The following CUL2 variants were observed in gnomAD, a reference collection of about 807,000 sequenced individuals.
CUL2 encodes the protein cullin 2.
CUL2 carries 22 observed loss-of-function variants against 110.2 expected under a neutral mutation model. The observed-to-expected ratio is 0.20, with a 90% confidence interval of 0.14 to 0.28. The LOEUF (loss-of-function observed/expected upper bound fraction) is 0.28, where lower values mean the gene tolerates loss of function less well. CUL2 is among the 10% of genes least tolerant of loss of function. CUL2 has a pLI of 1.00. For synonymous variants in CUL2, 279 were observed against 293.2 expected, an observed-to-expected ratio of 0.95 and a Z score of 0.49; for missense variants, 631 against 905.5, an observed-to-expected ratio of 0.70 and a Z score of 3.89.
upstream of CUL2, among the ~76,000 whole-genome samples, chr10:35,090,922 A>G (rs777239820): frequency 3.0e-4 from 45 of 152,368 alleles, no homozygotes; most frequent in Middle Eastern, 3.4e-3. Context: ...ACACACTTCC[A>G]TGGGCTTTGC....
Position 35,033,286 on chromosome 10 carries a change from T to C in CUL2, c.1003-13A>G, listed in dbSNP as rs368318547. 6.4e-6 allele frequency: 10 copies of C among 1,574,616 alleles called. No individual in the cohort carries two copies. ...ATAGTGTTGGCATCTAAAAATGAAATATAAGTACAAAACCACATTTTAAGA... is the reference window on the plus strand; with the variant it reads ...ATAGTGTTGGCATCTAAAAATGAAACATAAGTACAAAACCACATTTTAAGA... On this transcript the variant is annotated splice_polypyrimidine_tract_variant and intron_variant, in intron 10 of 20. Coordinates refer to ENST00000374749, the MANE Select transcript of CUL2 (RefSeq NM_003591.4).
intron 2 of CUL2, among the ~76,000 whole-genome samples, chr10:35,065,497 T>G (rs961292520): frequency 5.3e-5 from 8 of 152,076 alleles, no homozygotes; most frequent in Non-Finnish European, 7.4e-5. Context: ...CAGGTGCCTG[T>G]AGTCCCAGCC....
chr10:35,055,394 A>G (rs911764705), intron 4 of CUL2, among the ~76,000 whole-genome samples: 1 of 152,232 alleles, frequency 6.6e-6, no homozygotes, highest in South Asian at 2.1e-4. Context: ...CAAATTAAAA[A>G]CGAAGACAAC....
chr10:35,023,542 C>T lies in CUL2; in HGVS notation c.1684+1590G>A, dbSNP rs942441388. 7.2e-5 allele frequency among the ~76,000 whole-genome samples: 11 copies of T among 152,154 alleles called. No homozygotes were observed. In the East Asian group the frequency reaches 2.1e-3, roughly 29 times the overall value. ...TTGGTGACTATTTTCAAACTAAATT[C>T]CAATGGCTAAAAAACTATGTGCATA... On this transcript the variant is annotated intron_variant, in intron 17 of 20. Coordinates refer to ENST00000374749, the MANE Select transcript of CUL2 (RefSeq NM_003591.4).
chr10:35,014,459 A>G (rs1472595246), intron 18 of CUL2, among the ~76,000 whole-genome samples: 3 of 152,242 alleles, frequency 2.0e-5, no homozygotes, highest in African/African-American at 7.2e-5. Flanking sequence ...CTCTGGCAGC[A>G]GAATCAAAAG....
intron 5 of CUL2, among the ~76,000 whole-genome samples, chr10:35,051,860 C>T (rs769296299): frequency 2.6e-5 from 4 of 152,094 alleles, no homozygotes; most frequent in Non-Finnish European, 5.9e-5. Flanking sequence ...ATCAACTGCT[C>T]GGTTTCTTTA....
chr10:35,067,846 A>G (rs12769981), intron 2 of CUL2, among the ~76,000 whole-genome samples: 50,689 of 151,820 alleles, frequency 0.33, 8,519 homozygotes, highest in South Asian at 0.35. Flanking sequence ...GGTGGCTCAT[A>G]CCTGTAATCC....
intron 2 of CUL2, 147 bp from the exon 3 acceptor site, chr10:35,063,209 G>C: frequency 2.0e-6 from 1 of 498,956 alleles, no homozygotes; most frequent in Non-Finnish European, 3.5e-6. Flanking sequence ...TATATGACAA[G>C]ATAGAATACA....
intron 8 of CUL2, among the ~76,000 whole-genome samples, chr10:35,042,733 T>C (rs2085826975): frequency 1.3e-5 from 2 of 152,182 alleles, no homozygotes; most frequent in African/African-American, 4.8e-5. Context: ...TCCTCTAAAA[T>C]ATCCTTCTTA....
intron 1 of CUL2, among the ~76,000 whole-genome samples, chr10:35,102,958 T>C (rs1291377059): frequency 6.6e-6 from 1 of 152,100 alleles, no homozygotes; most frequent in Non-Finnish European, 1.5e-5. Flanking sequence ...ACTCCAATTA[T>C]TAAAATCGAA....
chr10:35,026,647 T>C (rs1418652003), intron 16 of CUL2, among the ~76,000 whole-genome samples: 1 of 152,176 alleles, frequency 6.6e-6, no homozygotes, highest in Non-Finnish European at 1.5e-5. Flanking sequence ...ACATTTAAAA[T>C]CTGACTACAA....
Position 35,010,416 on chromosome 10 carries a change from A to G in CUL2, c.2133T>C (p.Phe711=). 6.2e-7 allele frequency: 1 copy of G among 1,611,904 alleles called. No homozygotes were observed. ...QEVISQSRAR[F]NPSISMIKKC... ...TCTTAATCATGCTGATACTGGGATT[A>G]AACCTAGCTCTTGACTGGCTAATCA... is the stretch of plus-strand genomic sequence containing the variant. The change falls in exon 21 of 21, where the codon TTT becomes TTC. Residue 711 remains phenylalanine, a synonymous_variant. Transcript: ENST00000374749.
intron 1 of CUL2, among the ~76,000 whole-genome samples, chr10:35,089,180 C>T (rs2087137069): frequency 6.6e-6 from 1 of 152,126 alleles, no homozygotes; most frequent in East Asian, 1.9e-4. Context: ...CATCTCAAAA[C>T]AAAAAAACTG....
chr10:35,077,780 G>C (rs1267990038), intron 1 of CUL2, among the ~76,000 whole-genome samples: 1 of 149,322 alleles, frequency 6.7e-6, no homozygotes, highest in East Asian at 2.0e-4. Flanking sequence ...TCGTGCCATT[G>C]CATTCCAGCC....
chr10:35,118,914 C>T (rs1476317282), intron 1 of CUL2, among the ~76,000 whole-genome samples: 1 of 152,228 alleles, frequency 6.6e-6, no homozygotes, highest in African/African-American at 2.4e-5. Context: ...TCCTCTACTC[C>T]AGCCACTGCT....
chr10:35,089,166 A>C (rs545171372), intron 1 of CUL2, among the ~76,000 whole-genome samples: 1 of 152,110 alleles, frequency 6.6e-6, no homozygotes, highest in Non-Finnish European at 1.5e-5. Flanking sequence ...CAAGAGCAAA[A>C]CTCCATCTCA....
At chr10:35,106,315 T>TTTTG (rs201427985) in intron 1 of CUL2, among the ~76,000 whole-genome samples, 1 of 151,030 alleles carries the variant, frequency 6.6e-6, no homozygotes, top group African/African-American at 2.4e-5. Context: ...TTTTTTTTTT[T>TTTTG]GTGGGTTTTT....
intron 2 of CUL2, among the ~76,000 whole-genome samples, chr10:35,099,181 A>G (rs2087341777): frequency 6.6e-6 from 1 of 152,030 alleles, no homozygotes; most frequent in South Asian, 2.1e-4. Flanking sequence ...TCACGAGGTC[A>G]GGAGATCCAG....
chr10:35,054,404 T>A (rs547729629), intron 5 of CUL2, 30 bp downstream of exon 5: 1 of 1,192,752 alleles, frequency 8.4e-7, no homozygotes, highest in South Asian at 1.4e-5. Flanking sequence ...AACATACTTA[T>A]GTTTGCTAGT....
Sources: allele counts gnomAD v4.1 joint callset (sites outside exome capture counted in the v4.1 genomes callset), GRCh38; gene constraint gnomAD v4.1.1; transcripts MANE v1.5; gene names NCBI Gene and HGNC (gene_info 2026-07-23, HGNC 2026-07-21).